MCTP1: variants seen among roughly 807,000 people sequenced by gnomAD.
MCTP1 encodes the protein multiple C2 and transmembrane domain containing 1, also known as multiple C2 and transmembrane domain-containing protein 1.
A neutral mutation model predicts 120.6 loss-of-function variants in MCTP1; 69 were observed. The ratio of observed to expected loss-of-function variants is 0.57; its 90% CI spans 0.47 to 0.70. The LOEUF is 0.70. Among genes scored for constraint, MCTP1 ranks in the 30% least tolerant of loss-of-function variants. The probability of loss-of-function intolerance (pLI) is 0.00; values close to 1 mark genes in which losing one functional copy is unlikely to be tolerated. For synonymous variants in MCTP1, 529 were observed against 493.1 expected, an observed-to-expected ratio of 1.07 and a Z score of -0.96; for missense variants, 1,203 against 1,248.8, an observed-to-expected ratio of 0.96 and a Z score of 0.55.
intron 1 of MCTP1, among the ~76,000 whole-genome samples, chr5:95,132,918 CCCCTCGCT>C (rs2152426061): frequency 6.6e-6 from 1 of 152,288 alleles, no homozygotes; most frequent in Admixed American, 6.5e-5. Context: ...CTAGTGCTGA[CCCCTCGCT>C]CAATAAGTAC....
At chr5:95,000,953 C>T (rs1053479198) in intron 2 of MCTP1, among the ~76,000 whole-genome samples, 2 of 152,166 alleles carry the variant, frequency 1.3e-5, no homozygotes, top group Admixed American at 1.3e-4. Flanking sequence ...ATCTCACTTT[C>T]AACTGTAATC....
At chr5:94,772,309 T>C (rs1052487455) in intron 19 of MCTP1, among the ~76,000 whole-genome samples, 1 of 152,148 alleles carries the variant, frequency 6.6e-6, no homozygotes, top group African/African-American at 2.4e-5. Flanking sequence ...ACACTGTCAA[T>C]GTGCAGCTGG....
intron 1 of MCTP1, among the ~76,000 whole-genome samples, chr5:95,018,130 T>C (rs1837477748): frequency 6.6e-6 from 1 of 152,120 alleles, no homozygotes; most frequent in African/African-American, 2.4e-5. Context: ...CCTGCCTCTA[T>C]AGAATTTATT....
At chr5:95,246,075 A>C (rs746339409) in intron 1 of MCTP1, among the ~76,000 whole-genome samples, 39 of 152,202 alleles carry the variant, frequency 2.6e-4, no homozygotes, top group Non-Finnish European at 7.3e-5. Flanking sequence ...AACCAGCCAA[A>C]CTAAGCTTCC....
At chr5:94,740,334 A>T (rs1339137536) in intron 19 of MCTP1, among the ~76,000 whole-genome samples, 1 of 152,220 alleles carries the variant, frequency 6.6e-6, no homozygotes, top group Non-Finnish European at 1.5e-5. Flanking sequence ...CTCTCAATGC[A>T]AGCCTGACAC....
intron 3 of MCTP1, among the ~76,000 whole-genome samples, chr5:94,951,188 C>T (rs1286635656): frequency 2.0e-5 from 3 of 152,114 alleles, no homozygotes; most frequent in Non-Finnish European, 2.9e-5. Context: ...TATGTAGCTC[C>T]CACTTACAAG....
At chr5:94,751,552 G>A (rs114614481) in intron 19 of MCTP1, among the ~76,000 whole-genome samples, 1,794 of 152,160 alleles carry the variant, frequency 0.012, 30 homozygotes, top group African/African-American at 0.04. Context: ...CTGACCTCCG[G>A]GAAGCTGAGT....
At chr5:95,115,683 A>T (rs1481372801) in intron 1 of MCTP1, among the ~76,000 whole-genome samples, 1 of 152,158 alleles carries the variant, frequency 6.6e-6, no homozygotes, top group Non-Finnish European at 1.5e-5. Context: ...GGCCTTAAAG[A>T]TGAGGTCGAG....
chr5:94,867,292 C>G, intron 17 of MCTP1: 1 of 1,531,280 alleles, frequency 6.5e-7, no homozygotes, highest in Non-Finnish European at 8.7e-7. Context: ...GGGAAGCAGG[C>G]TGCCTAACTT....
chr5:94,802,369 A>T (rs1467521310), intron 17 of MCTP1, among the ~76,000 whole-genome samples: 1 of 152,218 alleles, frequency 6.6e-6, no homozygotes, highest in Non-Finnish European at 1.5e-5. Flanking sequence ...GTTTGAAAGT[A>T]GAACAGCCAA....
chr5:94,821,277 G>A (rs1289259840), intron 17 of MCTP1, among the ~76,000 whole-genome samples: 3 of 152,206 alleles, frequency 2.0e-5, no homozygotes, highest in East Asian at 1.9e-4. Context: ...GAGCTTTTGC[G>A]GTCTTAGTAC....
At chr5:95,224,835 A>G (rs1472063300) in intron 1 of MCTP1, among the ~76,000 whole-genome samples, 1 of 151,996 alleles carries the variant, frequency 6.6e-6, no homozygotes, top group Non-Finnish European at 1.5e-5. Context: ...AACACCCCCA[A>G]TCATTTGTTT....
intron 1 of MCTP1, among the ~76,000 whole-genome samples, chr5:95,170,870 C>A (rs2152496070): frequency 6.6e-6 from 1 of 152,228 alleles, no homozygotes; most frequent in Non-Finnish European, 1.5e-5. Flanking sequence ...ATCCAATTTG[C>A]CAGTCTGTGT....
intron 1 of MCTP1, among the ~76,000 whole-genome samples, chr5:95,231,838 G>A (rs1754983345): frequency 6.6e-6 from 1 of 152,158 alleles, no homozygotes; most frequent in African/African-American, 2.4e-5. Context: ...GGGAAAATTG[G>A]AAGTATACTA....
Position 94,777,735 on chromosome 5 carries a change from A to G in MCTP1, c.2610+1375T>C, listed in dbSNP as rs184673811. On this transcript the variant is annotated intron_variant, in intron 19 of 22. Coordinates refer to ENST00000515393, the MANE Select transcript of MCTP1 (RefSeq NM_024717.7). ...ACCTTAGCAATAAATCATATCATTT[A>G]TTGCCAGAAGTGTATGCTCATGTTA... Among the ~76,000 whole-genome samples the G allele has an allele frequency of 2.1e-3, 317 of 152,300 alleles. 1 individual carries two copies. Among genetic ancestry groups the G allele is most frequent in the Non-Finnish European group, 3.0e-3 (206 of 68,014 alleles).
At chr5:94,762,351 A>T (rs1401523403) in intron 19 of MCTP1, among the ~76,000 whole-genome samples, 1 of 152,234 alleles carries the variant, frequency 6.6e-6, no homozygotes, top group Non-Finnish European at 1.5e-5. Context: ...GGTTGATCAA[A>T]GCCAAAAAAG....
chr5:94,746,808 C>T lies in MCTP1; in HGVS notation c.2611-31922G>A, dbSNP rs570791871. On this transcript the variant is annotated intron_variant, in intron 19 of 22. Transcript: ENST00000515393. ...ACTGTCTACATTCCTTGCTCCAGTGCTCAAAACTCCACAACCTGGTCCCAA... is the reference window on the plus strand; with the variant it reads ...ACTGTCTACATTCCTTGCTCCAGTGTTCAAAACTCCACAACCTGGTCCCAA... Among the ~76,000 whole-genome samples the T allele has an allele frequency of 4.5e-4, 69 of 152,316 alleles. 2 individuals carry two copies. In the South Asian group the frequency reaches 0.013, roughly 30 times the overall value.
intron 1 of MCTP1, among the ~76,000 whole-genome samples, chr5:95,093,956 C>T (rs1756035541): frequency 6.6e-6 from 1 of 152,138 alleles, no homozygotes. Flanking sequence ...AAATCTAGGC[C>T]CCCAGGCTAC....
intron 1 of MCTP1, among the ~76,000 whole-genome samples, chr5:95,064,452 A>G (rs1467722244): frequency 2.0e-5 from 3 of 152,212 alleles, no homozygotes; most frequent in African/African-American, 7.2e-5. Context: ...CTTTATTTAC[A>G]AATACCCAAT....
Sources: allele counts gnomAD v4.1 joint callset (sites outside exome capture counted in the v4.1 genomes callset), GRCh38; gene constraint gnomAD v4.1.1; transcripts MANE v1.5; gene names NCBI Gene and HGNC (gene_info 2026-07-23, HGNC 2026-07-21).